The following ARL6 variants were observed in gnomAD, a reference collection of about 807,000 sequenced individuals.
The protein encoded by ARL6 is ARF like GTPase 6.
In ARL6, 18 loss-of-function variants were observed where a neutral mutation model predicts 27.1. The observed-to-expected ratio is 0.66, with a 90% confidence interval of 0.46 to 0.98. ARL6 has a LOEUF of 0.98. Among genes scored for constraint, ARL6 ranks in the 50% least tolerant of loss-of-function variants. ARL6 has a pLI of 0.00. For synonymous variants in ARL6, 65 were observed against 72.3 expected (o/e 0.90, Z 0.51); for missense variants, 187 against 214.9 (o/e 0.87, Z 0.81).
chr3:97,776,042 C>A (rs1202131766), intron 2 of ARL6, among the ~76,000 whole-genome samples: 1 of 152,146 alleles, frequency 6.6e-6, no homozygotes, highest in Non-Finnish European at 1.5e-5. Flanking sequence ...GTGTTGAAGT[C>A]CTCTGCTGTT....
chr3:97,796,501 C>A (rs1044453114), intron 7 of ARL6, among the ~76,000 whole-genome samples: 5 of 151,774 alleles, frequency 3.3e-5, no homozygotes, highest in Non-Finnish European at 7.4e-5. Context: ...GCCCAATATC[C>A]AAATAATAGG....
At chr3:97,771,886 C>A (rs2036655042) in intron 2 of ARL6, among the ~76,000 whole-genome samples, 1 of 152,082 alleles carries the variant, frequency 6.6e-6, no homozygotes, top group Admixed American at 6.5e-5. Context: ...ATGAATCCTA[C>A]TGATCATGGT....
At position 97,777,057 on chromosome 3, in the gene ARL6, G is replaced by C. The variant is rs191428923; in HGVS notation, c.124-3102G>C. Among the ~76,000 whole-genome samples, 91 of 152,262 alleles carry C rather than the reference G, an allele frequency of 6.0e-4. 1 individual carries two copies. The highest frequency in any genetic ancestry group is 5.5e-3 in the Admixed American group (84 of 15,296). ...TTATTAAATTTCTCCCATTATAAACGAGCATAGATTTTTCTCTTCTTCAGC... is the reference window on the plus strand; with the variant it reads ...TTATTAAATTTCTCCCATTATAAACCAGCATAGATTTTTCTCTTCTTCAGC... On this transcript the variant is annotated intron_variant, in intron 2 of 7. Coordinates refer to ENST00000463745, the MANE Select transcript of ARL6 (RefSeq NM_001278293.3).
At chr3:97,792,039 A>G in intron 7 of ARL6, 1 of 543,268 alleles carries the variant, frequency 1.8e-6, no homozygotes, top group South Asian at 2.4e-5. Flanking sequence ...AAAGTGTTTG[A>G]ATCTTTACAG....
intron 7 of ARL6, 120 bp from the exon 8 acceptor site, chr3:97,797,904 T>C (rs1309599828): frequency 2.1e-6 from 2 of 932,554 alleles, no homozygotes; most frequent in Non-Finnish European, 3.4e-6. Context: ...AAAATAATAA[T>C]AACAAAAGCA....
chr3:97,779,791 G>A (rs560686101), intron 2 of ARL6, among the ~76,000 whole-genome samples: 20 of 151,966 alleles, frequency 1.3e-4, no homozygotes, highest in African/African-American at 3.4e-4. Flanking sequence ...GTGTGAAGCC[G>A]GGAGGTGGAG....
chr3:97,765,772 T>C (rs940961780), intron 1 of ARL6, among the ~76,000 whole-genome samples: 4 of 152,346 alleles, frequency 2.6e-5, no homozygotes, highest in African/African-American at 7.2e-5. Context: ...TTGAGAATCA[T>C]GGCTATCAGA....
At chr3:97,779,855 G>A (rs1271741225) in intron 2 of ARL6, among the ~76,000 whole-genome samples, 1 of 148,928 alleles carries the variant, frequency 6.7e-6, no homozygotes, top group Non-Finnish European at 1.5e-5. Context: ...GACAGAGTGA[G>A]ACTCTATCTC....
intron 7 of ARL6, among the ~76,000 whole-genome samples, chr3:97,792,941 C>G (rs150665626): frequency 5.9e-5 from 9 of 152,090 alleles, no homozygotes; most frequent in Admixed American, 3.9e-4. Flanking sequence ...TCTACACAAA[C>G]CTTTTAATGC....
At chr3:97,779,229 T>C (rs1261449232) in intron 2 of ARL6, among the ~76,000 whole-genome samples, 1 of 152,174 alleles carries the variant, frequency 6.6e-6, no homozygotes, top group Non-Finnish European at 1.5e-5. Flanking sequence ...CTTTCTGCAT[T>C]TCCTCAGTGG....
intron 7 of ARL6, among the ~76,000 whole-genome samples, chr3:97,792,432 G>A (rs1023920910): frequency 8.5e-5 from 13 of 152,062 alleles, no homozygotes; most frequent in Non-Finnish European, 1.2e-4. Context: ...GCAGTGAGCC[G>A]AGATTGCGCC....
chr3:97,772,617 T>C (rs1289353682), intron 2 of ARL6, among the ~76,000 whole-genome samples: 2 of 150,410 alleles, frequency 1.3e-5, no homozygotes, highest in African/African-American at 4.9e-5. Context: ...GAAGGCTTGT[T>C]ACTTTTTTTT....
chr3:97,780,531 T>G (rs2037140613), intron 3 of ARL6, 84 bp from the exon 4 acceptor site: 1 of 1,154,160 alleles, frequency 8.7e-7, no homozygotes, highest in Admixed American at 1.7e-5. Flanking sequence ...GAAGGGTAAT[T>G]TCTTTGATTG....
chr3:97,800,507 G>A lies in ARL6; in HGVS notation c.*2458G>A, dbSNP rs556403348. The A allele has an allele frequency of 1.4e-4, 21 of 152,092 alleles. No homozygotes were observed. In the East Asian group the frequency reaches 3.3e-3, roughly 24 times the overall value. 9.4% of individuals were successfully genotyped at this position (152,092 alleles called of 1,614,324 possible). Reference sequence around the variant, plus strand: ...TTAAATATTTAAATATTTGTATATGGCCCTATTCAGCCTGTGCTTTATAAA... The same window carrying A: ...TTAAATATTTAAATATTTGTATATGACCCTATTCAGCCTGTGCTTTATAAA... On this transcript the variant is annotated 3_prime_UTR_variant, in exon 8 of 8. Coordinates refer to ENST00000463745, the MANE Select transcript of ARL6 (RefSeq NM_001278293.3).
At chr3:97,782,064 A>G (rs1254570327) in intron 4 of ARL6, among the ~76,000 whole-genome samples, 1 of 151,924 alleles carries the variant, frequency 6.6e-6, no homozygotes, top group Admixed American at 6.6e-5. Flanking sequence ...GGGAAAAGAG[A>G]GTGCTTCAGA....
At chr3:97,792,034 G>C (rs2037766164) in intron 7 of ARL6, 3 of 547,604 alleles carry the variant, frequency 5.5e-6, no homozygotes, top group Non-Finnish European at 9.7e-6. Context: ...TACATAAAGT[G>C]TTTGAATCTT....
At chr3:97,783,624 A>G (rs1475260755) in intron 4 of ARL6, among the ~76,000 whole-genome samples, 3 of 151,784 alleles carry the variant, frequency 2.0e-5, no homozygotes, top group Non-Finnish European at 4.4e-5. Flanking sequence ...TCTGGTTTCT[A>G]TATGTACTGG....
At chr3:97,773,699 A>G (rs2036749329) in intron 2 of ARL6, among the ~76,000 whole-genome samples, 3 of 152,220 alleles carry the variant, frequency 2.0e-5, no homozygotes, top group South Asian at 4.1e-4. Flanking sequence ...AATAAAATGA[A>G]TATATTTTCA....
At chr3:97,769,369 T>A (rs2036536350) in intron 2 of ARL6, among the ~76,000 whole-genome samples, 1 of 152,056 alleles carries the variant, frequency 6.6e-6, no homozygotes, top group Non-Finnish European at 1.5e-5. Flanking sequence ...AATTTCAATC[T>A]TTATTCCACT....
Sources: allele counts gnomAD v4.1 joint callset (sites outside exome capture counted in the v4.1 genomes callset), GRCh38; gene constraint gnomAD v4.1.1; transcripts MANE v1.5; gene names NCBI Gene and HGNC (gene_info 2026-07-23, HGNC 2026-07-21).